Variants in SCN11A observed in about 807,000 individuals in gnomAD.
SCN11A encodes the protein sodium channel protein type 11 subunit alpha.
A neutral mutation model predicts 162.2 loss-of-function variants in SCN11A; 122 were observed. That is an observed-to-expected ratio of 0.75 (90% CI 0.65 to 0.87). The LOEUF is 0.87. SCN11A is among the 40% of genes least tolerant of loss of function. The probability of loss-of-function intolerance (pLI) is 0.00; values close to 1 mark genes in which losing one functional copy is unlikely to be tolerated. For synonymous variants in SCN11A, 758 were observed against 751.5 expected (o/e 1.01, Z -0.14); for missense variants, 2,015 against 2,181.6 (o/e 0.92, Z 1.52).
chr3:38,984,842 G>A lies in SCN11A; in HGVS notation c.-279-24419C>T, dbSNP rs1038287761. ...CGTGTTGAGCTTTCAATGAAGGCACGCGAAAGTCTGGGGGAGGGAACATTC... is the reference window on the plus strand; with the variant it reads ...CGTGTTGAGCTTTCAATGAAGGCACACGAAAGTCTGGGGGAGGGAACATTC... On this transcript the variant is annotated intron_variant, in intron 2 of 29. Transcript: ENST00000302328. 1.1e-4 allele frequency among the ~76,000 whole-genome samples: 16 copies of A among 152,080 alleles called. 1 individual carries two copies. The East Asian group carries it at 2.1e-3, about 20-fold the overall frequency.
At chr3:38,849,438 TTTG>T (rs1367970074) in intron 29 of SCN11A, 6 of 152,290 alleles carry the variant, frequency 3.9e-5, no homozygotes, top group East Asian at 3.9e-4. Context: ...CTGTAGCATA[TTTG>T]TTGTTGTTCT....
chr3:39,024,039 G>A (rs1363066578), intron 2 of SCN11A, among the ~76,000 whole-genome samples: 1 of 152,134 alleles, frequency 6.6e-6, no homozygotes, highest in Non-Finnish European at 1.5e-5. Context: ...AAACTGTAGG[G>A]ACCAAAAGGT....
At chr3:38,881,574 C>G (rs551791813) in intron 22 of SCN11A, among the ~76,000 whole-genome samples, 1 of 152,284 alleles carries the variant, frequency 6.6e-6, no homozygotes, top group South Asian at 2.1e-4. Flanking sequence ...GTTGCCTAGA[C>G]CAGAGTTTCT....
chr3:38,922,780 A>C (rs2066074635), intron 9 of SCN11A, among the ~76,000 whole-genome samples: 1 of 152,176 alleles, frequency 6.6e-6, no homozygotes, highest in African/African-American at 2.4e-5. Context: ...CTGAAGTTTC[A>C]AAAAATAACC....
intron 2 of SCN11A, among the ~76,000 whole-genome samples, chr3:39,001,375 A>T (rs891055066): frequency 1.3e-5 from 2 of 152,190 alleles, no homozygotes. Context: ...CGATTATATA[A>T]TATGTGGTCT....
chr3:39,028,968 T>A (rs1257740014), intron 2 of SCN11A, among the ~76,000 whole-genome samples: 2 of 152,370 alleles, frequency 1.3e-5, no homozygotes, highest in East Asian at 3.9e-4. Flanking sequence ...ACAAGTCATA[T>A]TCAAGCCATT....
intron 7 of SCN11A, among the ~76,000 whole-genome samples, chr3:38,936,538 T>A (rs2066334838): frequency 6.6e-6 from 1 of 151,546 alleles, no homozygotes; most frequent in African/African-American, 2.4e-5. Context: ...GGATACAAAA[T>A]CAATGTACAA....
intron 7 of SCN11A, among the ~76,000 whole-genome samples, chr3:38,938,245 G>T (rs1191791144): frequency 6.6e-6 from 1 of 151,766 alleles, no homozygotes; most frequent in African/African-American, 2.4e-5. Flanking sequence ...TGGGCGGAGT[G>T]GGGAGGGATA....
At chr3:38,900,103 G>C in intron 16 of SCN11A, 30 bp from the exon 17 acceptor site, 1 of 1,575,702 alleles carries the variant, frequency 6.3e-7, no homozygotes. Context: ...AATGAGAGAA[G>C]GAAGCTGCGG....
chr3:38,940,604 T>C lies in SCN11A; in HGVS notation c.488+4807A>G, dbSNP rs532329207. ...TGGTGTTGGGACAAATGGATAGACA[T>C]CTGGGACGGAACTATGAAGTCAGAT... On this transcript the variant is annotated intron_variant, in intron 7 of 29. Transcript: ENST00000302328. Among the ~76,000 whole-genome samples the C allele has an allele frequency of 4.8e-4, 73 of 152,272 alleles. No individual in the cohort carries two copies. The South Asian group carries it at 0.013, about 27-fold the overall frequency.
At chr3:38,929,125 G>A (rs1046429928) in intron 7 of SCN11A, among the ~76,000 whole-genome samples, 21 of 89,472 alleles carry the variant, frequency 2.3e-4, no homozygotes, top group African/African-American at 8.1e-4. Context: ...AAAATACTGG[G>A]TCTGTGCACG....
At chr3:38,867,984 A>G (rs2065068877) in intron 26 of SCN11A, among the ~76,000 whole-genome samples, 1 of 152,198 alleles carries the variant, frequency 6.6e-6, no homozygotes, top group Admixed American at 6.5e-5. Flanking sequence ...TGATATGTAG[A>G]TTTTTGATAC....
At position 39,033,066 on chromosome 3, in the gene SCN11A, T is replaced by C. The variant is rs187307148; in HGVS notation, c.-403-563A>G. On this transcript the variant is annotated intron_variant, in intron 1 of 29. Coordinates refer to ENST00000302328, the MANE Select transcript of SCN11A (RefSeq NM_001349253.2). ...TACTGGGGAGGCTGAGGCAGGAGAA[T>C]TGCTTGAACCTGGGAGGTGGAGGTT... is the stretch of plus-strand genomic sequence containing the variant. Among the ~76,000 whole-genome samples, 229 of 151,950 alleles carry C rather than the reference T, an allele frequency of 1.5e-3. 2 individuals are homozygous for C. Among genetic ancestry groups the C allele is most frequent in the African/African-American group, 5.4e-3 (223 of 41,442 alleles).
chr3:38,945,619 T>A, intron 6 of SCN11A, 107 bp from the exon 7 acceptor site: 1 of 623,260 alleles, frequency 1.6e-6, no homozygotes, highest in Non-Finnish European at 2.7e-6. Context: ...CAGGTGCATC[T>A]ATCTTCTGAC....
chr3:38,858,009 G>A (rs2064898480), intron 28 of SCN11A, among the ~76,000 whole-genome samples: 1 of 152,030 alleles, frequency 6.6e-6, no homozygotes, highest in Admixed American at 6.6e-5. Context: ...TCTAAATTAT[G>A]AAACAAACCT....
chr3:38,904,211 G>A (rs1285037690), intron 15 of SCN11A, 108 bp from the exon 16 acceptor site: 1 of 636,120 alleles, frequency 1.6e-6, no homozygotes, highest in African/African-American at 1.9e-5. Flanking sequence ...CCTGATACAT[G>A]ATCAGTTGTG....
At chr3:39,033,158 A>G (rs1427665841) in intron 1 of SCN11A, among the ~76,000 whole-genome samples, 1 of 149,512 alleles carries the variant, frequency 6.7e-6, no homozygotes, top group Non-Finnish European at 1.5e-5. Context: ...ATCTTGAAAA[A>G]AAAAAAAAGA....
At chr3:38,953,516 G>A (rs2066646063) in intron 4 of SCN11A, among the ~76,000 whole-genome samples, 113 bp downstream of exon 4, 1 of 152,130 alleles carries the variant, frequency 6.6e-6, no homozygotes, top group Non-Finnish European at 1.5e-5. Context: ...GGAAACTCTT[G>A]TAGCAAATCA....
rs1252327021 is a variant in SCN11A, at chr3:38,894,575, T to C, written c.2793A>G (p.Glu931=). Residue 931 remains glutamate (E), a synonymous_variant, in exon 19 of 30, where the codon GAA becomes GAG. Transcript: ENST00000302328. ...GTTGTGTGATGCGCTGTGCATTATC[T>C]TCACCAGAAAATTCAACGTCATCTT... ...EEEDDVEFSG[E]DNAQRITQPE... is the part of the protein sequence containing the mutation. The C allele has an allele frequency of 6.2e-7, 1 of 1,613,734 alleles. No homozygotes were observed. Among genetic ancestry groups the C allele is most frequent in the Non-Finnish European group, 8.5e-7 (1 of 1,179,804 alleles).
Sources: gnomAD v4.1 joint callset for allele counts (sites outside exome capture counted in the v4.1 genomes callset) on GRCh38, gnomAD v4.1.1 for gene constraint, MANE v1.5 for transcripts, NCBI Gene and HGNC (gene_info 2026-07-23, HGNC 2026-07-21) for gene names.